DEFB125: variants seen among roughly 807,000 people sequenced by gnomAD.
DEFB125 encodes the protein defensin beta 125, also known as beta-defensin 125.
A neutral mutation model predicts 11.8 loss-of-function variants in DEFB125; 11 were observed. The observed-to-expected ratio is 0.94, with a 90% CI of 0.59 to 1.55. The LOEUF (loss-of-function observed/expected upper bound fraction) is 1.55, where lower values mean the gene tolerates loss of function less well. Among genes scored for constraint, DEFB125 ranks in the 40% most tolerant of loss-of-function variants. The pLI, the probability that DEFB125 is intolerant of heterozygous loss-of-function variation, is 0.00. For missense variants in DEFB125, 198 were observed against 191.2 expected, an observed-to-expected ratio of 1.04 and a Z score of -0.21; for synonymous variants, 79 against 66.7, an observed-to-expected ratio of 1.18 and a Z score of -0.90.
At chr20:92,094 T>C (rs1019188267) in intron 1 of DEFB125, among the ~76,000 whole-genome samples, 6 of 152,194 alleles carry the variant, frequency 3.9e-5, no homozygotes, top group Admixed American at 3.9e-4. Context: ...ATGTTTTATA[T>C]ATATTATCAC....
chr20:95,222 C>T (rs1034603205), intron 1 of DEFB125, among the ~76,000 whole-genome samples: 5 of 152,074 alleles, frequency 3.3e-5, no homozygotes, highest in African/African-American at 4.8e-5. Context: ...TCTGACTTAT[C>T]TTATTGGTCC....
At chr20:87,833 A>G (rs543625173) in intron 1 of DEFB125, 66 bp downstream of exon 1, 33 of 1,535,134 alleles carry the variant, frequency 2.1e-5, no homozygotes, top group Admixed American at 1.5e-4. Context: ...CTCCCCTGGT[A>G]TCATGATGGG....
At chr20:93,084 C>T (rs927958746) in intron 1 of DEFB125, among the ~76,000 whole-genome samples, 2 of 151,612 alleles carry the variant, frequency 1.3e-5, no homozygotes, top group African/African-American at 4.9e-5. Context: ...GATTCTCCTG[C>T]CTCAGCATCC....
At position 96,235 on chromosome 20, in the gene DEFB125, A is replaced by G; in HGVS notation, c.289A>G (p.Asn97Asp). Residue 97 changes from asparagine to aspartate, a missense_variant, in exon 2 of 2, where the codon AAT (asparagine) becomes GAT (aspartate). Physicochemically the swap from Asn to Asp is conservative, Grantham distance 23. Transcript: ENST00000382410. ...SFTGSPVSML[N>D]DLITFDTTKF... ...TACTGGTTCCCCAGTATCTATGTTG[A>G]ATGATCTGATAACATTTGACACAAC... The G allele has an allele frequency of 6.2e-7, 1 of 1,614,148 alleles. No homozygotes were observed. The highest frequency in any genetic ancestry group is 8.5e-7 in the Non-Finnish European group (1 of 1,180,030).
In DEFB125 at chr20:87,676, CT is replaced by C; in HGVS notation, c.-33del. ...CCTTGCTGTGCAGTGTTCTGTATTCCTCAGGACACAGAGCTTCCTCTCTCCC... is the reference window on the plus strand; with the variant it reads ...CCTTGCTGTGCAGTGTTCTGTATTCCCAGGACACAGAGCTTCCTCTCTCCC... On this transcript the variant is annotated 5_prime_UTR_variant, in exon 1 of 2. Coordinates refer to ENST00000382410, the MANE Select transcript of DEFB125 (RefSeq NM_153325.4). The C allele has an allele frequency of 6.2e-7, 1 of 1,606,166 alleles. No individual in the cohort carries two copies. Among genetic ancestry groups the C allele is most frequent in the East Asian group, 2.2e-5 (1 of 44,816 alleles).
intron 1 of DEFB125, among the ~76,000 whole-genome samples, chr20:94,611 C>T (rs2054508019): frequency 6.6e-6 from 1 of 152,172 alleles, no homozygotes; most frequent in Admixed American, 6.5e-5. Context: ...ACCTGCTGTT[C>T]ACCTTTTGCT....
At position 96,058 on chromosome 20, in the gene DEFB125, C is replaced by A; in HGVS notation, c.112C>A (p.Arg38=). The A allele has an allele frequency of 6.2e-7, 1 of 1,613,342 alleles. No homozygotes were observed. The highest frequency in any genetic ancestry group is 8.5e-7 in the Non-Finnish European group (1 of 1,179,518). The change falls in exon 2 of 2, where the codon CGA becomes AGA. Residue 38 remains arginine, a synonymous_variant. Coordinates refer to ENST00000382410, the MANE Select transcript of DEFB125 (RefSeq NM_153325.4). ...WKNNVGHCRR[R]CLDTERYILL... is the part of the protein sequence containing the mutation. ...GAATAATGTAGGACATTGCAGAAGA[C>A]GATGTTTAGATACTGAAAGGTACAT...
At chr20:90,558 T>G (rs1470601122) in intron 1 of DEFB125, among the ~76,000 whole-genome samples, 1 of 152,202 alleles carries the variant, frequency 6.6e-6, no homozygotes, top group African/African-American at 2.4e-5. Flanking sequence ...TGAAGACACA[T>G]AGTGCATGAT....
chr20:94,345 A>G (rs564356018), intron 1 of DEFB125, among the ~76,000 whole-genome samples: 2 of 152,270 alleles, frequency 1.3e-5, no homozygotes, highest in South Asian at 2.1e-4. Context: ...CTACAGTGCT[A>G]TAGAACAGTG....
In DEFB125 at chr20:96,251, T is replaced by C; in HGVS notation, c.305T>C (p.Phe102Ser). The change falls in exon 2 of 2, where the codon TTT (phenylalanine) becomes TCT (serine). Residue 102 changes from phenylalanine (F) to serine (S), a missense_variant. Physicochemically the swap from Phe to Ser is radical, Grantham distance 155. Transcript: ENST00000382410. Reference protein sequence around the residue: ...PVSMLNDLITFDTTKFGETMT... With the variant: ...PVSMLNDLITSDTTKFGETMT... ...TCTATGTTGAATGATCTGATAACAT[T>C]TGACACAACTAAATTTGGAGAAACC... is the stretch of plus-strand genomic sequence containing the variant. 6.2e-7 allele frequency: 1 copy of C among 1,614,148 alleles called. No homozygotes were observed. The highest frequency in any genetic ancestry group is 8.5e-7 in the Non-Finnish European group (1 of 1,180,022).
At chr20:95,972 T>C in intron 1 of DEFB125, 33 bp from the exon 2 acceptor site, 1 of 1,530,610 alleles carries the variant, frequency 6.5e-7, no homozygotes. Flanking sequence ...GATGCCAGAG[T>C]TAAAAATTTG....
intron 1 of DEFB125, among the ~76,000 whole-genome samples, chr20:94,329 G>A (rs377587243): frequency 5.0e-4 from 76 of 152,048 alleles, no homozygotes; most frequent in Non-Finnish European, 7.9e-4. Context: ...GTTAACTACC[G>A]TCACCCTACA....
rs2054514397 is a variant in DEFB125 at position 96,140 on chromosome 20, C to T, written c.194C>T (p.Thr65Ile). ...ATTTCTATAATATCACATGAATATA[C>T]TCGACGACCAGCATTTCCTGTGATT... ...CCISIISHEY[T>I]RRPAFPVIHL... Residue 65 changes from threonine (T) to isoleucine (I), a missense_variant, in exon 2 of 2, where the codon ACT (threonine) becomes ATT (isoleucine). Thr to Ile is a moderately conservative substitution (Grantham distance 89, BLOSUM62 -1). Transcript: ENST00000382410. 1 of 1,614,162 alleles carries T rather than the reference C, an allele frequency of 6.2e-7. No homozygotes were observed. Among genetic ancestry groups the T allele is most frequent in the Non-Finnish European group, 8.5e-7 (1 of 1,180,038 alleles).
chr20:88,865 GACACACACACACACAC>G (rs200122767), intron 1 of DEFB125, among the ~76,000 whole-genome samples: 1 of 148,428 alleles, frequency 6.7e-6, no homozygotes, highest in Non-Finnish European at 1.5e-5. Flanking sequence ...TGGACACGTG[GACACACACACACACAC>G]ACACACACAC....
At chr20:88,202 G>A (rs1285404593) in intron 1 of DEFB125, among the ~76,000 whole-genome samples, 2 of 152,132 alleles carry the variant, frequency 1.3e-5, no homozygotes, top group Non-Finnish European at 2.9e-5. Flanking sequence ...TAGATATGGT[G>A]AACAAGTCCA....
At chr20:88,303 G>A (rs959878767) in intron 1 of DEFB125, among the ~76,000 whole-genome samples, 3 of 152,104 alleles carry the variant, frequency 2.0e-5, no homozygotes. Context: ...GTGAAGACAG[G>A]ATAGACAGAC....
intron 1 of DEFB125, among the ~76,000 whole-genome samples, chr20:92,307 C>A (rs1244163281): frequency 1.3e-5 from 2 of 151,800 alleles, no homozygotes. Context: ...ACACTAGTTT[C>A]CCTTTAGATT....
intron 1 of DEFB125, among the ~76,000 whole-genome samples, chr20:90,883 A>AG (rs2054493776): frequency 6.6e-6 from 1 of 152,174 alleles, no homozygotes; most frequent in African/African-American, 2.4e-5. Context: ...CAAGCTGTTT[A>AG]ATCATCACCT....
In DEFB125 at chr20:96,082, A is replaced by G. The variant is rs1233977390; in HGVS notation, c.136A>G (p.Ile46Val). 5 of 1,614,098 alleles carry G rather than the reference A, an allele frequency of 3.1e-6. 1 individual carries two copies. The Admixed American group carries it at 5.0e-5, about 16-fold the overall frequency. ...ACGATGTTTAGATACTGAAAGGTAC[A>G]TACTTCTTTGTAGGAACAAGCTATC... The part of the protein sequence containing the change: ...RRRCLDTERY[I>V]LLCRNKLSCC... Residue 46 changes from isoleucine (I) to valine (V), a missense_variant, in exon 2 of 2, where the codon ATA becomes GTA. Physicochemically the swap from Ile to Val is conservative, Grantham distance 29. Transcript: ENST00000382410.
Sources: allele counts gnomAD v4.1 joint callset (sites outside exome capture counted in the v4.1 genomes callset), GRCh38; gene constraint gnomAD v4.1.1; transcripts MANE v1.5; gene names NCBI Gene and HGNC (gene_info 2026-07-23, HGNC 2026-07-21).